The following TNS3 variants were observed in gnomAD, a reference collection of about 807,000 sequenced individuals.
The protein encoded by TNS3 is tensin-3.
Under a neutral mutation model 140.9 loss-of-function variants are expected in TNS3, and 45 were observed. The ratio of observed to expected loss-of-function variants is 0.32; its 90% CI spans 0.25 to 0.41. The LOEUF is 0.41. Ranked by LOEUF, TNS3 falls within the 10% of genes least tolerant of loss-of-function variation. TNS3 has a pLI of 1.00. For missense variants in TNS3, 1,716 were observed against 1,906.7 expected (o/e 0.90, Z 1.86); for synonymous variants, 815 against 788.4 (o/e 1.03, Z -0.56).
Position 47,280,309 on chromosome 7 carries a change from A to G in TNS3, c.4143T>C (p.Cys1381=). 1 of 1,614,210 alleles carries G rather than the reference A, an allele frequency of 6.2e-7. No individual in the cohort carries two copies. The highest frequency in any genetic ancestry group is 8.5e-7 in the Non-Finnish European group (1 of 1,180,052). The part of the protein sequence containing the change: ...RHYPVNSVIF[C]ALDPQDRKWI... ...ACTTCCTGTCTTGTGGGTCCAAGGC[A>G]CAGAAAATCACACTGTTCACGGGGT... Residue 1381 remains cysteine (C), a synonymous_variant, in exon 29 of 31, where the codon TGT becomes TGC. Transcript: ENST00000311160.
intron 20 of TNS3, among the ~76,000 whole-genome samples, chr7:47,324,028 T>G (rs1265241107): frequency 1.3e-5 from 2 of 152,246 alleles, no homozygotes; most frequent in Non-Finnish European, 2.9e-5. Context: ...GCATGTGTTA[T>G]AAAAGGGATC....
chr7:47,505,625 CCT>C (rs1798387201), intron 3 of TNS3, among the ~76,000 whole-genome samples: 3 of 152,214 alleles, frequency 2.0e-5, no homozygotes, highest in Admixed American at 1.3e-4. Context: ...CCTCTCTGCT[CCT>C]GCACGTGCTC....
intron 16 of TNS3, among the ~76,000 whole-genome samples, chr7:47,391,036 G>A (rs1202299522): frequency 2.0e-5 from 3 of 152,114 alleles, no homozygotes; most frequent in Admixed American, 6.5e-5. Context: ...ACATTCCCCC[G>A]ATCTCACGAT....
chr7:47,545,684 C>T (rs61087186), intron 1 of TNS3, among the ~76,000 whole-genome samples: 12,023 of 152,210 alleles, frequency 0.079, 1,584 homozygotes, highest in African/African-American at 0.27. Flanking sequence ...AATCGACCCC[C>T]GTCCTTTCAC....
At chr7:47,575,600 G>A (rs989324422) in intron 1 of TNS3, among the ~76,000 whole-genome samples, 3 of 152,194 alleles carry the variant, frequency 2.0e-5, no homozygotes, top group Middle Eastern at 3.4e-3. Flanking sequence ...CGGATCATGA[G>A]GTCAGGAGAT....
chr7:47,564,034 A>C (rs548537880), intron 1 of TNS3, among the ~76,000 whole-genome samples: 100 of 89,130 alleles, frequency 1.1e-3, no homozygotes, highest in Non-Finnish European at 1.7e-3. Flanking sequence ...TCTACTAAAA[A>C]TACAAAAAAA....
At chr7:47,350,928 A>G (rs1401791921) in intron 17 of TNS3, among the ~76,000 whole-genome samples, 2 of 152,240 alleles carry the variant, frequency 1.3e-5, no homozygotes, top group Non-Finnish European at 2.9e-5. Context: ...ATGCATGTGT[A>G]GTGTGGTTTC....
At chr7:47,326,681 A>C (rs1788041092) in intron 20 of TNS3, among the ~76,000 whole-genome samples, 1 of 152,198 alleles carries the variant, frequency 6.6e-6, no homozygotes, top group Admixed American at 6.5e-5. Flanking sequence ...CAAAGTCAGA[A>C]AACTATGTCC....
intron 20 of TNS3, among the ~76,000 whole-genome samples, chr7:47,335,807 C>A (rs532829129): frequency 1.3e-5 from 2 of 152,296 alleles, no homozygotes; most frequent in African/African-American, 4.8e-5. Flanking sequence ...GGAATGACTA[C>A]TGTTGTACAG....
intron 17 of TNS3, among the ~76,000 whole-genome samples, chr7:47,359,926 G>A (rs1381362495): frequency 1.3e-5 from 2 of 152,162 alleles, no homozygotes; most frequent in African/African-American, 4.8e-5. Flanking sequence ...AGTCCCAGAA[G>A]GCCCAGATAG....
At chr7:47,379,731 T>C (rs1791632357) in intron 16 of TNS3, among the ~76,000 whole-genome samples, 1 of 152,130 alleles carries the variant, frequency 6.6e-6, no homozygotes, top group South Asian at 2.1e-4. Flanking sequence ...AGTTAACTCC[T>C]TCCCAAGCCC....
chr7:47,359,429 T>C (rs1016043028), intron 17 of TNS3, among the ~76,000 whole-genome samples: 2 of 152,160 alleles, frequency 1.3e-5, no homozygotes, highest in Non-Finnish European at 2.9e-5. Flanking sequence ...GGTATAAGGT[T>C]TCCCTTTGGG....
At chr7:47,498,580 A>G (rs1798099654) in intron 3 of TNS3, among the ~76,000 whole-genome samples, 1 of 152,266 alleles carries the variant, frequency 6.6e-6, no homozygotes. Flanking sequence ...TTTTAAAATT[A>G]TATTATTTAT....
intron 10 of TNS3, among the ~76,000 whole-genome samples, chr7:47,422,704 C>T (rs1794439507): frequency 2.6e-5 from 4 of 151,862 alleles, no homozygotes; most frequent in Admixed American, 2.6e-4. Flanking sequence ...CTGCTGGTGC[C>T]GTAAGAAATA....
chr7:47,295,624 C>T (rs912649536), intron 24 of TNS3, among the ~76,000 whole-genome samples: 1 of 152,160 alleles, frequency 6.6e-6, no homozygotes, highest in Non-Finnish European at 1.5e-5. Flanking sequence ...CTTCTCTCTA[C>T]TTCACTTCAG....
intron 6 of TNS3, among the ~76,000 whole-genome samples, 177 bp from the exon 7 acceptor site, chr7:47,437,490 T>A (rs1392378056): frequency 6.6e-6 from 1 of 151,742 alleles, no homozygotes. Flanking sequence ...ACATCAGAGA[T>A]GAAAGCAGAA....
At chr7:47,549,855 C>T (rs1019382001) in intron 1 of TNS3, among the ~76,000 whole-genome samples, 4 of 152,178 alleles carry the variant, frequency 2.6e-5, no homozygotes, top group African/African-American at 9.7e-5. Flanking sequence ...GCACACAGAC[C>T]ACCTACTGGC....
chr7:47,519,189 C>T, intron 2 of TNS3, among the ~76,000 whole-genome samples: 1 of 152,166 alleles, frequency 6.6e-6, no homozygotes, highest in East Asian at 1.9e-4. Flanking sequence ...CTTACATAAT[C>T]TATGTATAGG....
At chr7:47,443,347 T>C (rs1346975732) in intron 4 of TNS3, among the ~76,000 whole-genome samples, 2 of 152,124 alleles carry the variant, frequency 1.3e-5, no homozygotes, top group African/African-American at 2.4e-5. Context: ...TGAAGTCCCG[T>C]GGTCTCCAGA....
Sources: allele counts gnomAD v4.1 joint callset (sites outside exome capture counted in the v4.1 genomes callset), GRCh38; gene constraint gnomAD v4.1.1; transcripts MANE v1.5; gene names NCBI Gene and HGNC (gene_info 2026-07-23, HGNC 2026-07-21).